Variants in MYO3B observed in about 807,000 individuals in gnomAD.
MYO3B encodes myosin IIIB, also known as myosin-IIIb.
MYO3B carries 156 observed loss-of-function variants against 174.6 expected under a neutral mutation model. The ratio of observed to expected loss-of-function variants is 0.89; its 90% CI spans 0.78 to 1.02. The LOEUF is 1.02. MYO3B is among the 50% of genes least tolerant of loss of function. The pLI is 0.00. For missense variants in MYO3B, 1,632 were observed against 1,639.4 expected, an observed-to-expected ratio of 1.00 and a Z score of 0.08; for synonymous variants, 563 against 569.1, an observed-to-expected ratio of 0.99 and a Z score of 0.15.
At chr2:170,551,538 CAAAAAAAAAAAAA>C (rs3072763) in intron 32 of MYO3B, among the ~76,000 whole-genome samples, 4 of 56,202 alleles carry the variant, frequency 7.1e-5, no homozygotes, top group African/African-American at 1.3e-4. Flanking sequence ...TGACTTTTTG[CAAAAAAAAAAAAA>C]AAAAAAAAAA....
chr2:170,433,181 A>G (rs1040921981), intron 22 of MYO3B, among the ~76,000 whole-genome samples: 17 of 152,294 alleles, frequency 1.1e-4, no homozygotes, highest in Middle Eastern at 6.8e-3. Context: ...ATAATTGCCT[A>G]TAGTATTCCA....
chr2:170,320,166 A>C (rs2105492292), intron 7 of MYO3B, among the ~76,000 whole-genome samples: 1 of 152,252 alleles, frequency 6.6e-6, no homozygotes, highest in South Asian at 2.1e-4. Context: ...CCCCGCCCCA[A>C]GTAGCTGGGA....
intron 7 of MYO3B, among the ~76,000 whole-genome samples, chr2:170,261,249 C>A (rs1027530564): frequency 6.6e-6 from 1 of 152,020 alleles, no homozygotes; most frequent in African/African-American, 2.4e-5. Flanking sequence ...GTCTCAAACT[C>A]CTGGCCTCAA....
At chr2:170,356,675 T>C (rs921311087) in intron 8 of MYO3B, among the ~76,000 whole-genome samples, 1 of 152,182 alleles carries the variant, frequency 6.6e-6, no homozygotes, top group Non-Finnish European at 1.5e-5. Context: ...TGGAGCCATT[T>C]CTATGAAAAC....
chr2:170,433,758 G>A (rs976667973), intron 22 of MYO3B, among the ~76,000 whole-genome samples: 2 of 152,314 alleles, frequency 1.3e-5, no homozygotes, highest in East Asian at 3.9e-4. Flanking sequence ...ATGTGCAGAG[G>A]CTATACCATC....
chr2:170,244,999 A>G (rs2355351), intron 7 of MYO3B, among the ~76,000 whole-genome samples: 74,627 of 152,008 alleles, frequency 0.49, 19,180 homozygotes, highest in East Asian at 0.72. Flanking sequence ...CTGGGGTAAA[A>G]TTGTGTCAGT....
intron 7 of MYO3B, among the ~76,000 whole-genome samples, chr2:170,275,491 C>A (rs2093458263): frequency 1.3e-5 from 2 of 151,926 alleles, no homozygotes; most frequent in Admixed American, 1.3e-4. Context: ...GTCCTAAAAA[C>A]ACTGTGGTTG....
chr2:170,597,276 C>G (rs920010570), intron 32 of MYO3B, among the ~76,000 whole-genome samples: 1 of 150,632 alleles, frequency 6.6e-6, no homozygotes, highest in African/African-American at 2.4e-5. Context: ...GAGGCTGAAG[C>G]AGGAGAATCG....
chr2:170,344,885 T>C lies in MYO3B; in HGVS notation c.815+9435T>C, dbSNP rs541227430. Reference sequence around the variant, plus strand: ...GGATGAATCACAACAGAGAGGATCTTGAGGAGTAGCTGTCAGGATCCCTCT... The same window carrying C: ...GGATGAATCACAACAGAGAGGATCTCGAGGAGTAGCTGTCAGGATCCCTCT... On this transcript the variant is annotated intron_variant, in intron 8 of 34. Coordinates refer to ENST00000408978, the MANE Select transcript of MYO3B (RefSeq NM_138995.5). The C allele has an allele frequency of 1.3e-5, 2 of 152,228 alleles. 1 individual carries two copies. The highest frequency in any genetic ancestry group is 4.8e-5 in the African/African-American group (2 of 41,528). 9.4% of individuals were successfully genotyped at this position (152,228 alleles called of 1,614,324 possible). A position where few individuals can be genotyped will look rare whatever the true frequency, so the allele number is the denominator to read the frequency against.
intron 25 of MYO3B, among the ~76,000 whole-genome samples, chr2:170,497,726 CTTGT>C (rs1471990384): frequency 1.3e-5 from 2 of 152,030 alleles, no homozygotes; most frequent in Non-Finnish European, 2.9e-5. Flanking sequence ...ACGCATTTCT[CTTGT>C]TTATCTGTCT....
chr2:170,191,972 A>G lies in MYO3B; in HGVS notation c.3-7236A>G, dbSNP rs371242832. ...TTTAATTTAGTATTTTTATACAGGTATTCCGAAGTGAGGTTGATTGCAGTT... is the reference window on the plus strand; with the variant it reads ...TTTAATTTAGTATTTTTATACAGGTGTTCCGAAGTGAGGTTGATTGCAGTT... On this transcript the variant is annotated intron_variant, in intron 1 of 34. Transcript: ENST00000408978. Among the ~76,000 whole-genome samples, 54 of 152,272 alleles carry G rather than the reference A, an allele frequency of 3.5e-4. No individual in the cohort carries two copies. In the East Asian group the frequency reaches 7.7e-3, roughly 22 times the overall value.
intron 22 of MYO3B, among the ~76,000 whole-genome samples, chr2:170,420,227 CAAACA>C (rs2094606133): frequency 6.6e-6 from 1 of 151,840 alleles, no homozygotes; most frequent in East Asian, 1.9e-4. Flanking sequence ...AAAACAGAAA[CAAACA>C]AAACAAGAAT....
At chr2:170,416,258 T>C (rs924345416) in intron 22 of MYO3B, among the ~76,000 whole-genome samples, 4 of 152,000 alleles carry the variant, frequency 2.6e-5, no homozygotes, top group African/African-American at 9.7e-5. Context: ...TGCAGTGGCT[T>C]ACACCTGTAA....
At chr2:170,507,388 T>G (rs1485356083) in intron 28 of MYO3B, among the ~76,000 whole-genome samples, 14 of 123,656 alleles carry the variant, frequency 1.1e-4, no homozygotes, top group East Asian at 2.2e-4. Flanking sequence ...AGTGGGGCTT[T>G]CTTTCTTTCT....
chr2:170,558,484 G>A (rs1452203123), intron 32 of MYO3B, among the ~76,000 whole-genome samples: 1 of 151,978 alleles, frequency 6.6e-6, no homozygotes, highest in Non-Finnish European at 1.5e-5. Context: ...CTAAATATGT[G>A]TCTCTAAATA....
chr2:170,504,172 G>A (rs1275359275), intron 28 of MYO3B, among the ~76,000 whole-genome samples: 2 of 152,170 alleles, frequency 1.3e-5, no homozygotes, highest in Non-Finnish European at 2.9e-5. Context: ...GTGGCTTAGG[G>A]ATGTTGTCAC....
chr2:170,214,715 G>T lies in MYO3B; in HGVS notation c.427-14G>T. On this transcript the variant is annotated splice_polypyrimidine_tract_variant and intron_variant, in intron 4 of 34. Transcript: ENST00000408978. The stretch of plus-strand genomic sequence containing the variant: ...CTCTTTCCTGTTGTTTGGTGGTGGT[G>T]GGATGCCATGCAGGGCCTTCAGCAT... 6.2e-7 allele frequency: 1 copy of T among 1,608,104 alleles called. No homozygotes were observed. The highest frequency in any genetic ancestry group is 1.1e-5 in the South Asian group (1 of 90,936).
chr2:170,356,833 A>T (rs1021287172), intron 8 of MYO3B, among the ~76,000 whole-genome samples: 1 of 152,084 alleles, frequency 6.6e-6, no homozygotes. Flanking sequence ...GCTGGAGTGC[A>T]GTGGTACAAT....
chr2:170,255,803 T>C (rs1249255299), intron 7 of MYO3B, among the ~76,000 whole-genome samples: 1 of 152,180 alleles, frequency 6.6e-6, no homozygotes, highest in Admixed American at 6.5e-5. Context: ...CCTCACCAAA[T>C]TGAAATGTCT....
Sources: gnomAD v4.1 joint callset for allele counts (sites outside exome capture counted in the v4.1 genomes callset) on GRCh38, gnomAD v4.1.1 for gene constraint, MANE v1.5 for transcripts, NCBI Gene and HGNC (gene_info 2026-07-23, HGNC 2026-07-21) for gene names.